Variants in DOCK4 observed in about 807,000 individuals in gnomAD.
DOCK4 encodes the protein dedicator of cytokinesis protein 4.
In DOCK4, 97 loss-of-function variants were observed where a neutral mutation model predicts 268.1. That is an observed-to-expected ratio of 0.36 (90% CI 0.31 to 0.43). The LOEUF is 0.43. Ranked by LOEUF, DOCK4 falls within the 20% of genes least tolerant of loss-of-function variation. The probability of loss-of-function intolerance (pLI) is 1.00; values close to 1 mark genes in which losing one functional copy is unlikely to be tolerated. For missense variants in DOCK4, 2,145 were observed against 2,455.7 expected (o/e 0.87, Z 2.67); for synonymous variants, 954 against 887.2 (o/e 1.08, Z -1.34).
chr7:111,749,871 T>C (rs947978941), intron 42 of DOCK4, among the ~76,000 whole-genome samples: 2 of 152,230 alleles, frequency 1.3e-5, no homozygotes, highest in Non-Finnish European at 2.9e-5. Context: ...TAAGACTAGT[T>C]ATCCCCTCTA....
chr7:111,977,315 A>G, intron 7 of DOCK4, 32 bp from the exon 8 acceptor site: 1 of 1,574,732 alleles, frequency 6.4e-7, no homozygotes, highest in Non-Finnish European at 8.6e-7. Context: ...AAACATGATC[A>G]GCATGGACTG....
intron 1 of DOCK4, among the ~76,000 whole-genome samples, chr7:112,048,995 A>G (rs1002538923): frequency 7.9e-4 from 121 of 152,216 alleles, no homozygotes; most frequent in Non-Finnish European, 6.5e-4. Flanking sequence ...CAGACATACA[A>G]AGGCTGAAAG....
intron 1 of DOCK4, among the ~76,000 whole-genome samples, chr7:112,179,970 T>C (rs1405873263): frequency 6.6e-6 from 1 of 151,910 alleles, no homozygotes. Context: ...CGGGGTGGAG[T>C]GGGGGTGGGT....
intron 12 of DOCK4, among the ~76,000 whole-genome samples, chr7:111,919,509 A>C (rs776548437): frequency 1.3e-5 from 2 of 152,236 alleles, no homozygotes; most frequent in Non-Finnish European, 2.9e-5. Flanking sequence ...AGTTGGATGC[A>C]TACTAAAAGT....
chr7:111,795,970 C>G (rs73434236), intron 30 of DOCK4, among the ~76,000 whole-genome samples: 8,561 of 152,242 alleles, frequency 0.056, 769 homozygotes, highest in African/African-American at 0.19. Context: ...TCTCAGATAT[C>G]TGCCTCCACT....
chr7:111,823,537 G>A (rs1802170855), intron 26 of DOCK4, among the ~76,000 whole-genome samples: 1 of 152,084 alleles, frequency 6.6e-6, no homozygotes, highest in Non-Finnish European at 1.5e-5. Context: ...CATTACAAGA[G>A]ATAGGGTCAA....
rs1804149433 is a variant in DOCK4, at chr7:111,846,850, C to T, written c.2601+149G>A. 6 of 927,782 alleles carry T rather than the reference C, an allele frequency of 6.5e-6. No homozygotes were observed. In the South Asian group the frequency reaches 1.8e-4, roughly 28 times the overall value. 57.5% of individuals were successfully genotyped at this position (927,782 alleles called of 1,614,324 possible). A position where few individuals can be genotyped will look rare whatever the true frequency, so the allele number is the denominator to read the frequency against. On this transcript the variant is annotated intron_variant, in intron 24 of 52. Coordinates refer to ENST00000428084, the MANE Select transcript of DOCK4 (RefSeq NM_001363540.2). ...TCCCACAAGGTTAAAAAAATTCCTT[C>T]CAAAGAGAAGCAAAAAGTCCAGCCC...
At chr7:111,905,747 A>G (rs1248619126) in intron 13 of DOCK4, among the ~76,000 whole-genome samples, 1 of 151,886 alleles carries the variant, frequency 6.6e-6, no homozygotes, top group African/African-American at 2.4e-5. Context: ...CACAAGCTGG[A>G]TATTTGTTAA....
intron 1 of DOCK4, among the ~76,000 whole-genome samples, chr7:112,026,847 C>A (rs1802840761): frequency 6.6e-6 from 1 of 152,158 alleles, no homozygotes. Flanking sequence ...TTGCCTATTA[C>A]TCTCCCGGTC....
intron 8 of DOCK4, chr7:111,971,481 G>A: frequency 1.9e-5 from 4 of 211,742 alleles, no homozygotes; most frequent in Non-Finnish European, 3.8e-5. Flanking sequence ...TGCAGTGAGG[G>A]ATCCTCATTT....
At chr7:111,804,239 G>A (rs536272392) in intron 30 of DOCK4, among the ~76,000 whole-genome samples, 8 of 152,296 alleles carry the variant, frequency 5.3e-5, no homozygotes, top group Non-Finnish European at 7.3e-5. Flanking sequence ...ATATCCATAC[G>A]ACAGAATATT....
intron 35 of DOCK4, among the ~76,000 whole-genome samples, chr7:111,779,231 G>A (rs188661657): frequency 6.6e-6 from 1 of 152,170 alleles, no homozygotes; most frequent in African/African-American, 2.4e-5. Flanking sequence ...AATGTTTCCA[G>A]TTTATGTCCA....
chr7:111,762,757 G>GTTTTTTTTTTTTTTTT (rs1797499588), intron 39 of DOCK4, among the ~76,000 whole-genome samples: 3 of 55,012 alleles, frequency 5.5e-5, no homozygotes, highest in Admixed American at 2.3e-4. Context: ...ATTTTGTTTT[G>GTTTTTTTTTTTTTTTT]TTTTCTTTTT....
chr7:111,969,222 A>AAT (rs980478612), intron 8 of DOCK4, among the ~76,000 whole-genome samples: 1 of 151,844 alleles, frequency 6.6e-6, no homozygotes, highest in Non-Finnish European at 1.5e-5. Context: ...AAAAAAAAAA[A>AAT]AATTCACACA....
At position 111,742,271 on chromosome 7, in the gene DOCK4, T is replaced by C. The variant is rs965976312; in HGVS notation, c.4678-139A>G. 3.8e-5 allele frequency: 31 copies of C among 821,376 alleles called. No homozygotes were observed. In the Middle Eastern group the frequency reaches 7.4e-4, roughly 20 times the overall value. 50.9% of individuals were successfully genotyped at this position (821,376 alleles called of 1,614,324 possible). On this transcript the variant is annotated intron_variant, in intron 44 of 52. Coordinates refer to ENST00000428084, the MANE Select transcript of DOCK4 (RefSeq NM_001363540.2). ...GCCTCTGACAAGGTAGGAACAGCTG[T>C]CACTTTACAGGTGAAGAAAAACTGA...
intron 1 of DOCK4, among the ~76,000 whole-genome samples, chr7:112,059,134 CTTTTTT>C (rs572050793): frequency 4.0e-5 from 4 of 98,978 alleles, no homozygotes; most frequent in African/African-American, 2.0e-4. Context: ...GCAGCATTTC[CTTTTTT>C]TTTTTTTTTT....
At chr7:111,906,696 T>C (rs1791604292) in intron 13 of DOCK4, among the ~76,000 whole-genome samples, 1 of 152,016 alleles carries the variant, frequency 6.6e-6, no homozygotes, top group Admixed American at 6.6e-5. Flanking sequence ...GGGTCCAATA[T>C]AATCACAGGG....
intron 4 of DOCK4, among the ~76,000 whole-genome samples, chr7:111,996,813 G>C (rs553509615): frequency 6.6e-6 from 1 of 152,296 alleles, no homozygotes; most frequent in East Asian, 1.9e-4. Flanking sequence ...TTAAAAAAAG[G>C]ACGTACTTAT....
At position 111,807,240 on chromosome 7, in the gene DOCK4, T is replaced by G. The variant is rs563593190; in HGVS notation, c.3166+1581A>C. Reference sequence around the variant, plus strand: ...CATTCAAACAGATTCAATGCAGCATTCTTTCAAAAACATCTTGCTAAATTA... The same window carrying G: ...CATTCAAACAGATTCAATGCAGCATGCTTTCAAAAACATCTTGCTAAATTA... On this transcript the variant is annotated intron_variant, in intron 30 of 52. Transcript: ENST00000428084. Among the ~76,000 whole-genome samples, 2 of 152,288 alleles carry G rather than the reference T, an allele frequency of 1.3e-5. 1 individual carries two copies. Among genetic ancestry groups the G allele is most frequent in the African/African-American group, 4.8e-5 (2 of 41,568 alleles).
Sources: allele counts gnomAD v4.1 joint callset (sites outside exome capture counted in the v4.1 genomes callset), GRCh38; gene constraint gnomAD v4.1.1; transcripts MANE v1.5; gene names NCBI Gene and HGNC (gene_info 2026-07-23, HGNC 2026-07-21).